LIN52: variants seen among roughly 807,000 people sequenced by gnomAD.
LIN52 encodes protein lin-52 homolog.
In LIN52, 4 loss-of-function variants were observed where a neutral mutation model predicts 18.5. That is an observed-to-expected ratio of 0.22 (90% CI 0.11 to 0.49). The LOEUF (loss-of-function observed/expected upper bound fraction) is 0.49. Among genes scored for constraint, LIN52 ranks in the 20% least tolerant of loss-of-function variants. The pLI, the probability that LIN52 is intolerant of heterozygous loss-of-function variation, is 0.97. For missense variants in LIN52, 102 were observed against 139.5 expected, an observed-to-expected ratio of 0.73 and a Z score of 1.35; for synonymous variants, 34 against 45.5, an observed-to-expected ratio of 0.75 and a Z score of 1.02.
At chr14:74,111,854 A>G (rs1383161517) in intron 5 of LIN52, among the ~76,000 whole-genome samples, 1 of 151,230 alleles carries the variant, frequency 6.6e-6, no homozygotes, top group Non-Finnish European at 1.5e-5. Flanking sequence ...ATCTATGTAA[A>G]AACTTGTTGT....
intron 5 of LIN52, among the ~76,000 whole-genome samples, chr14:74,186,236 G>A (rs2061340047): frequency 6.6e-6 from 1 of 152,010 alleles, no homozygotes; most frequent in Non-Finnish European, 1.5e-5. Flanking sequence ...AGGCTGCAGT[G>A]AGCCAAGATG....
rs1001397755 is a variant in LIN52 at position 74,091,326 on chromosome 14, A to G, written c.94+20A>G. On this transcript the variant is annotated intron_variant, in intron 2 of 5. Coordinates refer to ENST00000555028, the MANE Select transcript of LIN52 (RefSeq NM_001024674.3). The stretch of plus-strand genomic sequence containing the variant: ...AACAATGTAAGTTTTTGCCTTCTTT[A>G]TATCAGAGTCAATGCAGGAGAAACA... The G allele has an allele frequency of 2.0e-6, 3 of 1,536,292 alleles. No individual in the cohort carries two copies. Among genetic ancestry groups the G allele is most frequent in the Non-Finnish European group, 2.7e-6 (3 of 1,113,314 alleles).
intron 3 of LIN52, among the ~76,000 whole-genome samples, chr14:74,097,017 T>C (rs2060818444): frequency 6.6e-6 from 1 of 152,352 alleles, no homozygotes; most frequent in Non-Finnish European, 1.5e-5. Context: ...TCCTAAAACC[T>C]CTACAATAAA....
chr14:74,092,780 G>A (rs1022290502), intron 2 of LIN52, among the ~76,000 whole-genome samples: 1 of 151,588 alleles, frequency 6.6e-6, no homozygotes, highest in African/African-American at 2.4e-5. Context: ...AACTGGCCGT[G>A]GTGGTGCACA....
At chr14:74,150,802 A>G (rs1026286454) in intron 5 of LIN52, among the ~76,000 whole-genome samples, 2 of 152,240 alleles carry the variant, frequency 1.3e-5, no homozygotes, top group Non-Finnish European at 2.9e-5. Flanking sequence ...TGGGAAGCTC[A>G]TGAAAAAAGG....
At chr14:74,117,094 G>A (rs2060970021) in intron 5 of LIN52, among the ~76,000 whole-genome samples, 1 of 152,154 alleles carries the variant, frequency 6.6e-6, no homozygotes, top group Non-Finnish European at 1.5e-5. Context: ...TCTGTGGACT[G>A]TTTCTAAATA....
chr14:74,090,093 A>G (rs1369460597), intron 1 of LIN52, among the ~76,000 whole-genome samples: 1 of 144,424 alleles, frequency 6.9e-6, no homozygotes, highest in African/African-American at 2.6e-5. Flanking sequence ...ATCTTGGCTC[A>G]CTGCAACCTC....
chr14:74,153,687 G>T (rs1342884710), intron 5 of LIN52, among the ~76,000 whole-genome samples: 1 of 151,898 alleles, frequency 6.6e-6, no homozygotes, highest in Admixed American at 6.6e-5. Context: ...GGGATTATAG[G>T]TGCCCACCAC....
At chr14:74,198,803 T>C in intron 5 of LIN52, 119 bp from the exon 6 acceptor site, 1 of 749,560 alleles carries the variant, frequency 1.3e-6, no homozygotes, top group Non-Finnish European at 2.3e-6. Flanking sequence ...ATTGAATCTG[T>C]TGTGATAGCA....
intron 5 of LIN52, among the ~76,000 whole-genome samples, chr14:74,103,753 T>G (rs1460711466): frequency 1.1e-4 from 15 of 141,414 alleles, no homozygotes; most frequent in Admixed American, 7.2e-4. Flanking sequence ...TTTTTTTTTT[T>G]TTTTTTTTTT....
intron 5 of LIN52, among the ~76,000 whole-genome samples, chr14:74,181,260 G>A (rs1264475211): frequency 1.3e-5 from 2 of 151,778 alleles, no homozygotes; most frequent in Non-Finnish European, 2.9e-5. Flanking sequence ...CTCTGGCAAT[G>A]TAGCGAGACC....
chr14:74,113,121 G>A (rs566277247), intron 5 of LIN52, among the ~76,000 whole-genome samples: 4 of 152,228 alleles, frequency 2.6e-5, no homozygotes, highest in South Asian at 2.1e-4. Flanking sequence ...GGCCAGGTGC[G>A]GTGGCTCACG....
intron 5 of LIN52, among the ~76,000 whole-genome samples, chr14:74,130,951 T>TTA (rs1203780226): frequency 6.6e-6 from 1 of 150,500 alleles, no homozygotes; most frequent in Non-Finnish European, 1.5e-5. Flanking sequence ...AATTAAAATT[T>TTA]TTATTATTTA....
At chr14:74,096,028 G>GCTCCT in intron 3 of LIN52, 43 bp downstream of exon 3, 1 of 1,346,520 alleles carries the variant, frequency 7.4e-7, no homozygotes, top group Non-Finnish European at 1.0e-6. Context: ...CCAAAGTTTC[G>GCTCCT]CTCCTGAGTA....
intron 5 of LIN52, among the ~76,000 whole-genome samples, chr14:74,148,741 G>GAA (rs76723467): frequency 3.3e-5 from 5 of 150,350 alleles, no homozygotes; most frequent in Admixed American, 6.6e-5. Context: ...AGGTTAGACA[G>GAA]AAAAAAAAAA....
At chr14:74,159,957 G>A (rs552024015) in intron 5 of LIN52, among the ~76,000 whole-genome samples, 1 of 152,292 alleles carries the variant, frequency 6.6e-6, no homozygotes, top group East Asian at 1.9e-4. Context: ...TTGTGTTTGT[G>A]TGTGTACATG....
chr14:74,093,372 TGTGCAGTATAATG>T (rs919035515), intron 2 of LIN52, among the ~76,000 whole-genome samples: 5 of 147,672 alleles, frequency 3.4e-5, no homozygotes, highest in African/African-American at 1.0e-4. Flanking sequence ...TTCCCCAGGC[TGTGCAGTATAATG>T]GTGCAGTCTT....
chr14:74,089,975 C>T (rs946928863), intron 1 of LIN52, among the ~76,000 whole-genome samples: 2 of 150,962 alleles, frequency 1.3e-5, no homozygotes, highest in Non-Finnish European at 2.9e-5. Flanking sequence ...GGGTGGGTGC[C>T]TGTGACTCCC....
intron 5 of LIN52, among the ~76,000 whole-genome samples, chr14:74,153,842 C>T (rs939713093): frequency 5.3e-5 from 8 of 152,108 alleles, no homozygotes; most frequent in African/African-American, 1.7e-4. Context: ...CCATGCCTGG[C>T]GGAAAATGAT....
Sources: gnomAD v4.1 joint callset for allele counts (sites outside exome capture counted in the v4.1 genomes callset) on GRCh38, gnomAD v4.1.1 for gene constraint, MANE v1.5 for transcripts, NCBI Gene and HGNC (gene_info 2026-07-23, HGNC 2026-07-21) for gene names.